Variants in PCDH9 observed in about 807,000 individuals in gnomAD.
PCDH9 encodes the protein protocadherin 9, also known as protocadherin-9.
A neutral mutation model predicts 70.6 loss-of-function variants in PCDH9; 24 were observed. The ratio of observed to expected loss-of-function variants is 0.34; its 90% CI spans 0.25 to 0.48. PCDH9 has a LOEUF of 0.48. Among genes scored for constraint, PCDH9 ranks in the 20% least tolerant of loss-of-function variants. The pLI is 0.99. For missense variants in PCDH9, 1,281 were observed against 1,503.6 expected, an observed-to-expected ratio of 0.85 and a Z score of 2.45; for synonymous variants, 562 against 558.5, an observed-to-expected ratio of 1.01 and a Z score of -0.09.
intron 4 of PCDH9, among the ~76,000 whole-genome samples, chr13:66,537,732 T>C (rs966878742): frequency 4.6e-5 from 7 of 152,134 alleles, no homozygotes; most frequent in African/African-American, 1.4e-4. Flanking sequence ...GTTATTTTAA[T>C]TTAAATAAAT....
intron 4 of PCDH9, among the ~76,000 whole-genome samples, chr13:66,351,861 C>CA (rs1426242266): frequency 6.9e-6 from 1 of 145,406 alleles, no homozygotes; most frequent in Non-Finnish European, 1.5e-5. Context: ...TTTTTTAAGA[C>CA]AGAGATTCAC....
chr13:66,448,841 A>AAATT (rs55868258), intron 4 of PCDH9, among the ~76,000 whole-genome samples: 146,979 of 152,130 alleles, frequency 0.97, 71,183 homozygotes, highest in East Asian at 1. Context: ...TTGTTTCAGG[A>AAATT]AATTAAGTTA....
At chr13:66,964,157 A>G (rs1019593614) in intron 2 of PCDH9, among the ~76,000 whole-genome samples, 4 of 152,048 alleles carry the variant, frequency 2.6e-5, no homozygotes, top group Non-Finnish European at 5.9e-5. Context: ...TTGGTAACAG[A>G]GTAAGCATTA....
At chr13:66,437,032 C>A (rs758171282) in intron 4 of PCDH9, among the ~76,000 whole-genome samples, 7 of 151,110 alleles carry the variant, frequency 4.6e-5, no homozygotes, top group Non-Finnish European at 8.8e-5. Flanking sequence ...AGTTCCTATT[C>A]AGCTTCTACC....
intron 2 of PCDH9, among the ~76,000 whole-genome samples, chr13:66,992,467 G>C (rs762923301): frequency 1.3e-5 from 2 of 152,054 alleles, no homozygotes; most frequent in Non-Finnish European, 2.9e-5. Flanking sequence ...TCTAAACAAT[G>C]GTCTTCTTTT....
At chr13:66,786,027 A>C (rs2080074427) in intron 3 of PCDH9, among the ~76,000 whole-genome samples, 1 of 152,136 alleles carries the variant, frequency 6.6e-6, no homozygotes, top group Non-Finnish European at 1.5e-5. Context: ...ATGTTCCATT[A>C]TCTCATTTAA....
chr13:66,901,461 C>T (rs2082275248), intron 3 of PCDH9, among the ~76,000 whole-genome samples: 1 of 151,620 alleles, frequency 6.6e-6, no homozygotes, highest in African/African-American at 2.4e-5. Context: ...TCCAGACAAC[C>T]TAGTTCAAAA....
chr13:66,507,914 G>C (rs1229303914), intron 4 of PCDH9, among the ~76,000 whole-genome samples: 1 of 152,010 alleles, frequency 6.6e-6, no homozygotes, highest in African/African-American at 2.4e-5. Flanking sequence ...GTAGAGACAG[G>C]GTTTCACCGC....
intron 4 of PCDH9, among the ~76,000 whole-genome samples, chr13:66,343,842 G>A (rs966620193): frequency 2.6e-5 from 4 of 152,146 alleles, no homozygotes; most frequent in Non-Finnish European, 4.4e-5. Flanking sequence ...GATTTGGAAA[G>A]GGCTGAGGAT....
intron 3 of PCDH9, among the ~76,000 whole-genome samples, chr13:66,711,046 T>C (rs1463702424): frequency 6.6e-6 from 1 of 152,132 alleles, no homozygotes; most frequent in Non-Finnish European, 1.5e-5. Context: ...TTAGGACATG[T>C]AGTTCTTCGG....
At chr13:66,637,745 C>G (rs1231445867) in intron 3 of PCDH9, among the ~76,000 whole-genome samples, 1 of 59,608 alleles carries the variant, frequency 1.7e-5, no homozygotes, top group Non-Finnish European at 3.8e-5. Flanking sequence ...AACCCTGTCT[C>G]TACTAAAAAT....
intron 4 of PCDH9, among the ~76,000 whole-genome samples, chr13:66,594,239 A>G (rs1265133630): frequency 6.6e-6 from 1 of 151,728 alleles, no homozygotes; most frequent in African/African-American, 2.4e-5. Context: ...GCCAGCCACA[A>G]CATTTGAACA....
Position 66,989,414 on chromosome 13 carries a change from A to T in PCDH9, c.3037-85809T>A, listed in dbSNP as rs370661575. On this transcript the variant is annotated intron_variant, in intron 2 of 4. Coordinates refer to ENST00000377865, the MANE Select transcript of PCDH9 (RefSeq NM_203487.3). ...GTAGCCATTAAATGTACTAAAATTT[A>T]ATTTCATCTTTCCAACGATTTGCTT... Among the ~76,000 whole-genome samples, 157 of 152,056 alleles carry T rather than the reference A, an allele frequency of 1.0e-3. No homozygotes were observed. The Middle Eastern group carries it at 0.017, about 16-fold the overall frequency.
rs535381930 is a variant in PCDH9 at position 66,880,807 on chromosome 13, G to T, written c.3138+22697C>A. On this transcript the variant is annotated intron_variant, in intron 3 of 4. Transcript: ENST00000377865. ...CATATTAGGTTATTTCCTTTAACTTGTCATAATAATTCAAAAAATTAACTA... is the reference window on the plus strand; with the variant it reads ...CATATTAGGTTATTTCCTTTAACTTTTCATAATAATTCAAAAAATTAACTA... Among the ~76,000 whole-genome samples the T allele has an allele frequency of 5.9e-4, 90 of 152,240 alleles. 1 individual carries two copies. The highest frequency in any genetic ancestry group is 2.1e-3 in the African/African-American group (89 of 41,560).
At chr13:67,042,104 C>A (rs992085692) in intron 2 of PCDH9, among the ~76,000 whole-genome samples, 1 of 151,932 alleles carries the variant, frequency 6.6e-6, no homozygotes, top group African/African-American at 2.4e-5. Context: ...CCTGACTGGC[C>A]GACTGTGTGG....
At chr13:66,770,252 G>T (rs1031179549) in intron 3 of PCDH9, among the ~76,000 whole-genome samples, 8 of 152,102 alleles carry the variant, frequency 5.3e-5, no homozygotes, top group African/African-American at 1.9e-4. Context: ...ACTACACACT[G>T]GGTACAGTGT....
intron 3 of PCDH9, among the ~76,000 whole-genome samples, chr13:66,793,515 G>T (rs989793634): frequency 6.6e-6 from 1 of 152,054 alleles, no homozygotes; most frequent in Non-Finnish European, 1.5e-5. Context: ...CCACTTCAAT[G>T]AAATGTATCT....
intron 2 of PCDH9, among the ~76,000 whole-genome samples, chr13:67,112,020 C>A (rs1245499480): frequency 6.6e-6 from 1 of 152,138 alleles, no homozygotes; most frequent in Non-Finnish European, 1.5e-5. Context: ...TAGATTTATA[C>A]ACATTTTTAA....
At chr13:67,150,270 C>T (rs1374473621) in intron 2 of PCDH9, among the ~76,000 whole-genome samples, 1 of 152,166 alleles carries the variant, frequency 6.6e-6, no homozygotes. Flanking sequence ...CTCCCGACCT[C>T]AAGTGATCTA....
Sources: gnomAD v4.1 joint callset for allele counts (sites outside exome capture counted in the v4.1 genomes callset) on GRCh38, gnomAD v4.1.1 for gene constraint, MANE v1.5 for transcripts, NCBI Gene and HGNC (gene_info 2026-07-23, HGNC 2026-07-21) for gene names.